POLK: variants seen among roughly 807,000 people sequenced by gnomAD.
The protein encoded by POLK is polymerase (DNA directed) kappa.
A neutral mutation model predicts 94.0 loss-of-function variants in POLK; 76 were observed. The ratio of observed to expected loss-of-function variants is 0.81; its 90% CI spans 0.67 to 0.98. POLK has a LOEUF of 0.98. Ranked by LOEUF, POLK falls within the 50% of genes least tolerant of loss-of-function variation. The probability of loss-of-function intolerance (pLI) is 0.00; values close to 1 mark genes in which losing one functional copy is unlikely to be tolerated. For synonymous variants in POLK, 349 were observed against 325.4 expected (o/e 1.07, Z -0.78); for missense variants, 954 against 1,010.1 (o/e 0.94, Z 0.75).
chr5:75,589,301 T>G (rs1366724568), intron 10 of POLK, among the ~76,000 whole-genome samples: 1 of 151,300 alleles, frequency 6.6e-6, no homozygotes, highest in Non-Finnish European at 1.5e-5. Context: ...AGCAGGGTAC[T>G]AAACAATGTA....
intron 12 of POLK, among the ~76,000 whole-genome samples, chr5:75,595,273 A>AG (rs1773016343): frequency 6.7e-6 from 1 of 148,740 alleles, no homozygotes; most frequent in Non-Finnish European, 1.5e-5. Flanking sequence ...AAAAAAAAAA[A>AG]GCCCAAGAGC....
At chr5:75,511,075 T>A, upstream of POLK, 1 of 1,500,388 alleles carries the variant, frequency 6.7e-7, no homozygotes, top group Non-Finnish European at 8.9e-7. Flanking sequence ...TGCAGGTGAG[T>A]CTGGCCAGGG....
At chr5:75,586,240 C>T (rs940011349) in intron 9 of POLK, among the ~76,000 whole-genome samples, 1 of 152,114 alleles carries the variant, frequency 6.6e-6, no homozygotes, top group African/African-American at 2.4e-5. Flanking sequence ...TCCATATTCT[C>T]TATTCCCCTA....
At chr5:75,600,974 T>C (rs1375742650) in exon 15 of POLK, 5 of 152,166 alleles carry the variant, frequency 3.3e-5, no homozygotes, top group African/African-American at 1.2e-4. Context: ...AGTACAGCAG[T>C]GTGATTGGGG....
At chr5:75,594,268 A>G (rs1772947233) in intron 12 of POLK, among the ~76,000 whole-genome samples, 1 of 152,206 alleles carries the variant, frequency 6.6e-6, no homozygotes, top group African/African-American at 2.4e-5. Context: ...TTGTAAATTG[A>G]CTTATTATGT....
rs545666744 is a variant in POLK, at chr5:75,574,531, A to G, written c.540+662A>G. ...TTTTGAATTAAAATTTTAGACTACTACATCAAATACTTTTAGACTGCTATA... is the reference window on the plus strand; with the variant it reads ...TTTTGAATTAAAATTTTAGACTACTGCATCAAATACTTTTAGACTGCTATA... On this transcript the variant is annotated intron_variant, in intron 5 of 14. Transcript: ENST00000241436. Among the ~76,000 whole-genome samples the G allele has an allele frequency of 4.6e-4, 70 of 152,334 alleles. 1 individual carries two copies. Among genetic ancestry groups the G allele is most frequent in the Middle Eastern group, 3.4e-3 (1 of 294 alleles).
At chr5:75,574,711 T>G (rs978253349) in intron 5 of POLK, among the ~76,000 whole-genome samples, 1 of 152,206 alleles carries the variant, frequency 6.6e-6, no homozygotes, top group Non-Finnish European at 1.5e-5. Flanking sequence ...ATTCCAAGTT[T>G]AAACACAGGT....
At chr5:75,519,159 A>C (rs2112529344) in intron 1 of POLK, among the ~76,000 whole-genome samples, 1 of 152,332 alleles carries the variant, frequency 6.6e-6, no homozygotes, top group Middle Eastern at 3.4e-3. Flanking sequence ...CTTACTCCAA[A>C]TTAAATCAAA....
At position 75,511,912 on chromosome 5, in the gene POLK, C is replaced by T; in HGVS notation, c.-16C>T. Reference sequence around the variant, plus strand: ...AGTTGTAGTCGCGATCCTGAGGTAACGGGTGAGTATCCCGCGCGGGGATCG... The same window carrying T: ...AGTTGTAGTCGCGATCCTGAGGTAATGGGTGAGTATCCCGCGCGGGGATCG... On this transcript the variant is annotated splice_region_variant and 5_prime_UTR_variant, in exon 1 of 15. The change creates a new upstream start codon in the 5' untranslated region. Coordinates refer to ENST00000241436, the Ensembl canonical transcript of POLK. 7.8e-7 allele frequency: 1 copy of T among 1,281,050 alleles called. No individual in the cohort carries two copies. Among genetic ancestry groups the T allele is most frequent in the Admixed American group, 2.3e-5 (1 of 43,132 alleles). 79.4% of individuals were successfully genotyped at this position (1,281,050 alleles called of 1,614,324 possible).
chr5:75,531,710 TGAACCTGG>T (rs1379781965), intron 1 of POLK, among the ~76,000 whole-genome samples: 2 of 151,952 alleles, frequency 1.3e-5, no homozygotes, highest in Admixed American at 6.6e-5. Flanking sequence ...AAGAATAGCT[TGAACCTGG>T]GAGGTGGAGG....
intron 13 of POLK, 165 bp downstream of exon 13, chr5:75,597,343 A>C (rs1773146333): frequency 1.8e-6 from 1 of 561,772 alleles, no homozygotes; most frequent in African/African-American, 1.9e-5. Flanking sequence ...GAATTAACTC[A>C]AGCCTGTAGA....
intron 1 of POLK, among the ~76,000 whole-genome samples, chr5:75,544,698 AAT>A (rs1181231978): frequency 6.6e-6 from 1 of 152,150 alleles, no homozygotes; most frequent in Non-Finnish European, 1.5e-5. Flanking sequence ...CAAACCCAGA[AAT>A]ATATGGGCAA....
chr5:75,546,792 A>T (rs1770045238), intron 1 of POLK, among the ~76,000 whole-genome samples: 1 of 151,948 alleles, frequency 6.6e-6, no homozygotes, highest in Non-Finnish European at 1.5e-5. Context: ...CAGCCTCCCT[A>T]GTAGCTGGGA....
chr5:75,511,087 T>C (rs1767958217), upstream of POLK: 4 of 1,521,818 alleles, frequency 2.6e-6, no homozygotes, highest in African/African-American at 1.4e-5. Context: ...TGGCCAGGGG[T>C]CCCTTGGCAC....
chr5:75,531,268 A>G (rs1181058774), intron 1 of POLK, among the ~76,000 whole-genome samples: 1 of 150,268 alleles, frequency 6.7e-6, no homozygotes, highest in East Asian at 1.9e-4. Flanking sequence ...AAAACAATAT[A>G]TATAGTATAT....
chr5:75,559,547 T>TTC (rs1770859996), intron 3 of POLK, among the ~76,000 whole-genome samples: 1 of 138,144 alleles, frequency 7.2e-6, no homozygotes, highest in African/African-American at 2.9e-5. Context: ...TTTTTTTTTT[T>TTC]TTTAGAGACA....
intron 1 of POLK, among the ~76,000 whole-genome samples, chr5:75,541,610 GT>G (rs60630504): frequency 6.6e-6 from 1 of 152,066 alleles, no homozygotes; most frequent in East Asian, 1.9e-4. Flanking sequence ...AAAAACTTGA[GT>G]TTTAGTGTAT....
At chr5:75,605,112 TACACATAC>T (rs1319230451), downstream of POLK, among the ~76,000 whole-genome samples, 13 of 77,384 alleles carry the variant, frequency 1.7e-4, no homozygotes, top group East Asian at 5.5e-3. Flanking sequence ...CTTTCCTGTA[TACACATAC>T]ACACACACAC....
chr5:75,559,753 C>T (rs1299620368), intron 3 of POLK, among the ~76,000 whole-genome samples: 5 of 151,716 alleles, frequency 3.3e-5, no homozygotes, highest in Admixed American at 6.6e-5. Context: ...TTGCCCAGGC[C>T]AGTCTCAAAC....
Sources: allele counts gnomAD v4.1 joint callset (sites outside exome capture counted in the v4.1 genomes callset), GRCh38; gene constraint gnomAD v4.1.1; transcripts MANE v1.5; gene names NCBI Gene and HGNC (gene_info 2026-07-23, HGNC 2026-07-21).